DROSHA: variants seen among roughly 807,000 people sequenced by gnomAD.
DROSHA encodes drosha ribonuclease III.
A neutral mutation model predicts 181.9 loss-of-function variants in DROSHA; 56 were observed. That is an observed-to-expected ratio of 0.31 (90% CI 0.25 to 0.38). The LOEUF (loss-of-function observed/expected upper bound fraction) is 0.38. Ranked by LOEUF, DROSHA falls within the 10% of genes least tolerant of loss-of-function variation. The pLI, the probability that DROSHA is intolerant of heterozygous loss-of-function variation, is 1.00. For missense variants in DROSHA, 1,218 were observed against 1,743.5 expected, an observed-to-expected ratio of 0.70 and a Z score of 5.37; for synonymous variants, 524 against 591.2, an observed-to-expected ratio of 0.89 and a Z score of 1.65.
intron 16 of DROSHA, 57 bp downstream of exon 16, chr5:31,483,497 C>T (rs1751287620): frequency 9.6e-6 from 15 of 1,563,820 alleles, no homozygotes; most frequent in Middle Eastern, 1.7e-4. Context: ...AGGAAAATGG[C>T]AAGCTTATTT....
At chr5:31,444,809 T>C (rs2150010729) in intron 23 of DROSHA, among the ~76,000 whole-genome samples, 1 of 152,298 alleles carries the variant, frequency 6.6e-6, no homozygotes, top group Non-Finnish European at 1.5e-5. Context: ...AACATCATAG[T>C]GAGGTATATG....
rs17494568 is a variant in DROSHA, at chr5:31,532,067, C to A, written c.-327G>T. 47,548 of 385,156 alleles carry A rather than the reference C, an allele frequency of 0.12. 3,496 individuals are homozygous for A. Among genetic ancestry groups the A allele is most frequent in the Non-Finnish European group, 0.15 (31,557 of 210,186 alleles). The allele number at this position is 385,156 out of a possible 1,614,324, so 23.9% of individuals were successfully genotyped here. A position where few individuals can be genotyped will look rare whatever the true frequency, so the allele number is the denominator to read the frequency against. On this transcript the variant is annotated 5_prime_UTR_variant, in exon 1 of 36. Coordinates refer to ENST00000344624, the MANE Select transcript of DROSHA (RefSeq NM_001382508.1). Reference sequence around the variant, plus strand: ...TACCGCAGGTACCAAGACAGTGGCACCGCCCGCGCCTCCGGAACAGGAAAC... The same window carrying A: ...TACCGCAGGTACCAAGACAGTGGCAACGCCCGCGCCTCCGGAACAGGAAAC...
intron 21 of DROSHA, among the ~76,000 whole-genome samples, chr5:31,450,373 T>G (rs1442225706): frequency 6.6e-6 from 1 of 152,226 alleles, no homozygotes; most frequent in Non-Finnish European, 1.5e-5. Flanking sequence ...AAAAGACACC[T>G]GCACTTCTAT....
At chr5:31,463,090 G>A (rs895724201) in intron 20 of DROSHA, among the ~76,000 whole-genome samples, 2 of 152,060 alleles carry the variant, frequency 1.3e-5, no homozygotes, top group Non-Finnish European at 2.9e-5. Flanking sequence ...CAGGTGATAC[G>A]GCTTCAAATG....
Position 31,411,514 on chromosome 5 carries a change from T to C in DROSHA, c.3526-627A>G, listed in dbSNP as rs1741304181. On this transcript the variant is annotated intron_variant, in intron 30 of 35. Transcript: ENST00000344624. The surrounding 1 kb of genome is among the most constrained non-coding windows in gnomAD (Gnocchi z 4.2). ...ATGCTAATTTTGATATTATAGGACT[T>C]AAGTGAGGTTTAAGTAAATACTATG... Among the ~76,000 whole-genome samples the C allele has an allele frequency of 6.6e-6, 1 of 152,184 alleles. No homozygotes were observed. The highest frequency in any genetic ancestry group is 1.5e-5 in the Non-Finnish European group (1 of 68,032).
intron 11 of DROSHA, among the ~76,000 whole-genome samples, chr5:31,500,329 G>GCT (rs1753450074): frequency 6.6e-6 from 1 of 152,238 alleles, no homozygotes; most frequent in South Asian, 2.1e-4. Context: ...GATGATGAGA[G>GCT]CTTTGATCAA....
Position 31,409,536 on chromosome 5 carries a change from G to T in DROSHA, c.3668-204C>A. ...AGAGATGTGTAAGATGCAAATCATA[G>T]AGTACAAACACCAAACTGCATTTAG... is the stretch of plus-strand genomic sequence containing the variant. On this transcript the variant is annotated intron_variant, in intron 31 of 35. Transcript: ENST00000344624. The surrounding 1 kb of genome is among the most constrained non-coding windows in gnomAD (Gnocchi z 4.0). 1 of 561,032 alleles carries T rather than the reference G, an allele frequency of 1.8e-6. No individual in the cohort carries two copies. 34.8% of individuals were successfully genotyped at this position (561,032 alleles called of 1,614,324 possible). A position where few individuals can be genotyped will look rare whatever the true frequency, so the allele number is the denominator to read the frequency against.
At chr5:31,406,469 G>A (rs1029033025) in intron 34 of DROSHA, among the ~76,000 whole-genome samples, 1 of 151,770 alleles carries the variant, frequency 6.6e-6, no homozygotes, top group Admixed American at 6.6e-5. Context: ...CAGACTAGGT[G>A]ACAAAGTGAG....
intron 11 of DROSHA, among the ~76,000 whole-genome samples, chr5:31,496,954 C>T (rs1178087916): frequency 6.6e-6 from 1 of 152,196 alleles, no homozygotes; most frequent in Non-Finnish European, 1.5e-5. Flanking sequence ...CATGCCTCCT[C>T]ATCTGAGCAG....
chr5:31,451,533 C>T lies in DROSHA; in HGVS notation c.2682G>A (p.Gln894=), dbSNP rs543636934. The part of the protein sequence containing the change: ...GYTFQDRCLL[Q]LAMTHPSHHL... ...GAGTTTACAGGAGAATAATTCTTAC[C>T]TGCAACAGACAACGATCTTGGAAAG... The change falls in exon 21 of 36, where the codon CAG becomes CAA. Residue 894 remains glutamine, a splice_region_variant and synonymous_variant. Transcript: ENST00000344624. The T allele has an allele frequency of 6.8e-6, 11 of 1,607,410 alleles. No individual in the cohort carries two copies. The African/African-American group carries it at 9.3e-5, about 14-fold the overall frequency.
chr5:31,406,466 G>A (rs1166909708), intron 34 of DROSHA, among the ~76,000 whole-genome samples: 2 of 151,994 alleles, frequency 1.3e-5, no homozygotes, highest in Non-Finnish European at 2.9e-5. Flanking sequence ...CCCCAGACTA[G>A]GTGACAAAGT....
chr5:31,419,741 T>C (rs1409016419), intron 30 of DROSHA, among the ~76,000 whole-genome samples: 1 of 152,172 alleles, frequency 6.6e-6, no homozygotes, highest in African/African-American at 2.4e-5. Flanking sequence ...CTAAGATGAA[T>C]TACTATTTCA....
intron 20 of DROSHA, among the ~76,000 whole-genome samples, chr5:31,452,301 G>C (rs1336666650): frequency 6.6e-6 from 1 of 152,194 alleles, no homozygotes; most frequent in Non-Finnish European, 1.5e-5. Flanking sequence ...TATCCTTGAA[G>C]AGCTTCTCAA....
At chr5:31,525,453 G>A (rs1308754449) in intron 5 of DROSHA, among the ~76,000 whole-genome samples, 9 of 137,526 alleles carry the variant, frequency 6.5e-5, no homozygotes, top group African/African-American at 2.5e-4. Context: ...GCAGTGAGCT[G>A]AGATCTCGCC....
intron 20 of DROSHA, among the ~76,000 whole-genome samples, chr5:31,452,830 A>G (rs1394894521): frequency 5.3e-5 from 8 of 152,238 alleles, no homozygotes; most frequent in Non-Finnish European, 1.2e-4. Flanking sequence ...TGGAAGACAG[A>G]AAAGGTAAAG....
intron 23 of DROSHA, 86 bp downstream of exon 23, chr5:31,448,461 C>G (rs963623996): frequency 8.0e-7 from 1 of 1,257,642 alleles, no homozygotes; most frequent in African/African-American, 1.5e-5. Context: ...ATACTAAAAA[C>G]CACTGAATTG....
chr5:31,450,744 G>A (rs1331881141), intron 21 of DROSHA, among the ~76,000 whole-genome samples: 1 of 152,064 alleles, frequency 6.6e-6, no homozygotes, highest in African/African-American at 2.4e-5. Context: ...CACTACTCAG[G>A]TGACAGGTAA....
chr5:31,484,489 G>C (rs1181873131), intron 15 of DROSHA, among the ~76,000 whole-genome samples: 1 of 9,182 alleles, frequency 1.1e-4, no homozygotes, highest in Non-Finnish European at 3.9e-4. Context: ...TTCACTCTAA[G>C]TGTCTGCGTG....
chr5:31,531,736 C>T (rs1741426308), intron 1 of DROSHA, among the ~76,000 whole-genome samples: 1 of 152,206 alleles, frequency 6.6e-6, no homozygotes, highest in African/African-American at 2.4e-5. Context: ...TCACTCCCCT[C>T]CGAGAGCCGG....
Sources: gnomAD v4.1 joint callset for allele counts (sites outside exome capture counted in the v4.1 genomes callset) on GRCh38, gnomAD v4.1.1 for gene constraint, Gnocchi (gnomAD v3.1) non-coding constraint, MANE v1.5 for transcripts, NCBI Gene and HGNC (gene_info 2026-07-23, HGNC 2026-07-21) for gene names.